Variants in TENM3 observed in about 807,000 individuals in gnomAD.
TENM3 encodes teneurin-3.
In TENM3, 63 loss-of-function variants were observed where a neutral mutation model predicts 255.1. The ratio of observed to expected loss-of-function variants is 0.25; its 90% CI spans 0.20 to 0.30. The LOEUF is 0.30. Among genes scored for constraint, TENM3 ranks in the 10% least tolerant of loss-of-function variants. The probability of loss-of-function intolerance (pLI) is 1.00; values close to 1 mark genes in which losing one functional copy is unlikely to be tolerated. For missense variants in TENM3, 2,929 were observed against 3,461.1 expected, an observed-to-expected ratio of 0.85 and a Z score of 3.86; for synonymous variants, 1,306 against 1,322.3, an observed-to-expected ratio of 0.99 and a Z score of 0.27.
chr4:181,549,664 A>T, the TENM3 span, among the ~76,000 whole-genome samples: 1 of 152,184 alleles, frequency 6.6e-6, no homozygotes, highest in Non-Finnish European at 1.5e-5. Flanking sequence ...TAATGGCCTG[A>T]CTTATTCCAG....
chr4:182,605,338 C>A (rs1234697583), intron 4 of TENM3, among the ~76,000 whole-genome samples: 1 of 152,050 alleles, frequency 6.6e-6, no homozygotes, highest in Non-Finnish European at 1.5e-5. Flanking sequence ...CTTGGGGAGA[C>A]ACAGGGTACC....
the TENM3 span, among the ~76,000 whole-genome samples, chr4:181,498,275 C>T: frequency 6.6e-6 from 1 of 151,934 alleles, no homozygotes; most frequent in Non-Finnish European, 1.5e-5. Context: ...ACTATAAATT[C>T]AATAATAGTC....
intron 2 of TENM3, among the ~76,000 whole-genome samples, chr4:182,341,461 A>T (rs1387216201): frequency 6.6e-6 from 1 of 152,206 alleles, no homozygotes; most frequent in Non-Finnish European, 1.5e-5. Flanking sequence ...TAATTCTACA[A>T]CTTGCATTCT....
intron 3 of TENM3, among the ~76,000 whole-genome samples, chr4:182,511,491 C>G (rs187581284): frequency 6.6e-6 from 1 of 152,246 alleles, no homozygotes; most frequent in East Asian, 1.9e-4. Context: ...CTGGATTTGT[C>G]TGCTTCAACT....
At chr4:182,726,781 T>C (rs1350997367) in intron 13 of TENM3, among the ~76,000 whole-genome samples, 1 of 152,200 alleles carries the variant, frequency 6.6e-6, no homozygotes, top group East Asian at 1.9e-4. Flanking sequence ...TCTTGTTTCT[T>C]ACCTTACCGT....
At chr4:182,257,298 A>G (rs1352036049) in intron 1 of TENM3, among the ~76,000 whole-genome samples, 1 of 152,148 alleles carries the variant, frequency 6.6e-6, no homozygotes, top group Non-Finnish European at 1.5e-5. Context: ...ACAGATATAC[A>G]TATGTGTGTG....
chr4:182,800,595 G>A lies in TENM3; in HGVS notation c.*244G>A. ...CTCAGTCGGACTGAACGTAGCCAGA[G>A]GAAAAAAAAATCATCAAGGACAAAG... On this transcript the variant is annotated 3_prime_UTR_variant, in exon 28 of 28. Coordinates refer to ENST00000511685, the MANE Select transcript of TENM3 (RefSeq NM_001080477.4). The A allele has an allele frequency of 2.5e-6, 1 of 401,600 alleles. No homozygotes were observed. The highest frequency in any genetic ancestry group is 4.9e-5 in the South Asian group (1 of 20,460). The allele number at this position is 401,600 out of a possible 1,614,324, so 24.9% of individuals were successfully genotyped here.
chr4:181,707,236 G>A, the TENM3 span, among the ~76,000 whole-genome samples: 9 of 152,204 alleles, frequency 5.9e-5, no homozygotes, highest in South Asian at 2.1e-4. Flanking sequence ...AAAACAAAAC[G>A]AATACACTGT....
intron 4 of TENM3, among the ~76,000 whole-genome samples, chr4:182,617,600 CTT>C (rs1454310049): frequency 6.6e-6 from 1 of 152,128 alleles, no homozygotes; most frequent in African/African-American, 2.4e-5. Flanking sequence ...TTCCTCAGCT[CTT>C]AAGTGAGAAC....
the TENM3 span, among the ~76,000 whole-genome samples, chr4:181,738,754 T>C: frequency 1.3e-5 from 2 of 152,142 alleles, no homozygotes; most frequent in Non-Finnish European, 2.9e-5. Flanking sequence ...GAGGGGTTAA[T>C]AGCTATGAGT....
chr4:181,747,174 A>G, the TENM3 span, among the ~76,000 whole-genome samples: 6 of 152,242 alleles, frequency 3.9e-5, no homozygotes, highest in Non-Finnish European at 5.9e-5. Flanking sequence ...GCCCTTAACA[A>G]CATTATTTAT....
At chr4:182,277,647 A>C (rs989808017) in intron 1 of TENM3, among the ~76,000 whole-genome samples, 1 of 152,218 alleles carries the variant, frequency 6.6e-6, no homozygotes, top group African/African-American at 2.4e-5. Context: ...TTATCTAAGC[A>C]GTACGGCGTT....
At chr4:182,734,053 T>G (rs945477044) in intron 16 of TENM3, among the ~76,000 whole-genome samples, 3 of 152,186 alleles carry the variant, frequency 2.0e-5, no homozygotes, top group Non-Finnish European at 4.4e-5. Context: ...GGTACTTTAC[T>G]AAGATAAAAA....
At position 182,483,426 on chromosome 4, in the gene TENM3, G is replaced by T. The variant is rs112487199; in HGVS notation, c.512-117498G>T. Reference sequence around the variant, plus strand: ...TTGTAGTCACATAGTTAATGTAAGAGCCTAAAGGATCAAGCAACTCAGCTT... The same window carrying T: ...TTGTAGTCACATAGTTAATGTAAGATCCTAAAGGATCAAGCAACTCAGCTT... On this transcript the variant is annotated intron_variant, in intron 3 of 27. Transcript: ENST00000511685. Among the ~76,000 whole-genome samples the T allele has an allele frequency of 2.1e-3, 323 of 152,242 alleles. 2 individuals are homozygous for T. The highest frequency in any genetic ancestry group is 7.2e-3 in the African/African-American group (300 of 41,554).
the TENM3 span, among the ~76,000 whole-genome samples, chr4:181,848,374 G>C: frequency 6.6e-6 from 1 of 152,172 alleles, no homozygotes; most frequent in Admixed American, 6.5e-5. Context: ...TAGATTCAAA[G>C]TCCTTTAAAG....
At chr4:181,879,341 T>C in the TENM3 span, among the ~76,000 whole-genome samples, 14 of 152,098 alleles carry the variant, frequency 9.2e-5, no homozygotes, top group African/African-American at 3.4e-4. Flanking sequence ...AAAAAAGAAA[T>C]TCTCTGAGTT....
chr4:182,580,007 T>TTGC (rs1405392351), intron 3 of TENM3, among the ~76,000 whole-genome samples: 1 of 152,166 alleles, frequency 6.6e-6, no homozygotes, highest in Admixed American at 6.5e-5. Flanking sequence ...TTGAGGTCCG[T>TTGC]TGCTGCTGCT....
intron 25 of TENM3, among the ~76,000 whole-genome samples, chr4:182,790,040 G>C (rs1163660143): frequency 6.6e-6 from 1 of 152,130 alleles, no homozygotes; most frequent in Non-Finnish European, 1.5e-5. Flanking sequence ...GTGCGGCTTG[G>C]GGTATTGACT....
intron 24 of TENM3, among the ~76,000 whole-genome samples, chr4:182,777,176 T>C (rs574474650): frequency 3.6e-4 from 55 of 152,172 alleles, no homozygotes; most frequent in Non-Finnish European, 6.8e-4. Flanking sequence ...CCCATTTCTC[T>C]TCCACTCTTT....
Sources: allele counts gnomAD v4.1 joint callset (sites outside exome capture counted in the v4.1 genomes callset), GRCh38; gene constraint gnomAD v4.1.1; transcripts MANE v1.5; gene names NCBI Gene and HGNC (gene_info 2026-07-23, HGNC 2026-07-21).